Variants in NACC2 observed in about 807,000 individuals in gnomAD.
NACC2 encodes NACC family member 2.
Under a neutral mutation model 25.1 loss-of-function variants are expected in NACC2, and 8 were observed. The observed-to-expected ratio is 0.32, with a 90% CI of 0.19 to 0.57. The LOEUF is 0.57. NACC2 is among the 20% of genes least tolerant of loss of function. The pLI, the probability that NACC2 is intolerant of heterozygous loss-of-function variation, is 0.89. For synonymous variants in NACC2, 435 were observed against 294.7 expected (o/e 1.48, Z -4.88); for missense variants, 644 against 650.2 (o/e 0.99, Z 0.10).
chr9:136,021,784 A>T (rs1188317941), intron 2 of NACC2, among the ~76,000 whole-genome samples: 1 of 152,214 alleles, frequency 6.6e-6, no homozygotes, highest in Non-Finnish European at 1.5e-5. Context: ...AAAAGGAACA[A>T]ATGATTGGCA....
intron 2 of NACC2, among the ~76,000 whole-genome samples, chr9:136,042,862 AC>A (rs1840662136): frequency 6.7e-6 from 1 of 149,778 alleles, no homozygotes; most frequent in Non-Finnish European, 1.5e-5. Context: ...ACACAGAGAC[AC>A]AGAGACAAAC....
At chr9:136,065,806 G>A (rs568450671) in intron 1 of NACC2, among the ~76,000 whole-genome samples, 1 of 128,616 alleles carries the variant, frequency 7.8e-6, no homozygotes, top group South Asian at 2.3e-4. Context: ...CAGAGACCCT[G>A]TCTCCAAAAA....
intron 1 of NACC2, among the ~76,000 whole-genome samples, chr9:136,091,379 C>T (rs951687938): frequency 1.1e-4 from 16 of 152,200 alleles, no homozygotes; most frequent in African/African-American, 3.9e-4. Flanking sequence ...TCCCAGGAGA[C>T]CTGAGCCCAG....
At chr9:136,092,507 G>A (rs1451039106) in intron 1 of NACC2, among the ~76,000 whole-genome samples, 1 of 152,218 alleles carries the variant, frequency 6.6e-6, no homozygotes, top group African/African-American at 2.4e-5. Context: ...ACACCACAGG[G>A]CTTTGCTTCT....
At chr9:136,014,812 G>A (rs1382328376) in intron 3 of NACC2, among the ~76,000 whole-genome samples, 2 of 152,310 alleles carry the variant, frequency 1.3e-5, no homozygotes, top group East Asian at 3.9e-4. Context: ...CGTGGCCAGA[G>A]AGGTCCACGC....
Position 136,055,011 on chromosome 9 carries a change from G to A in NACC2, c.-59-4431C>T, listed in dbSNP as rs956524646. ...CACAGAGGAGGCTGGGTTCCTCTGA[G>A]CCCACAAGCCACCCTCAGGAATAAG... On this transcript the variant is annotated intron_variant, in intron 1 of 5. Transcript: ENST00000277554. This position sits in a 1 kb window ranked among gnomAD's most constrained non-coding sequence, Gnocchi z 4.9. Among the ~76,000 whole-genome samples, 8 of 152,124 alleles carry A rather than the reference G, an allele frequency of 5.3e-5. No individual in the cohort carries two copies. The highest frequency in any genetic ancestry group is 1.9e-4 in the African/African-American group (8 of 41,416).
At chr9:136,024,392 G>GGTGTGTGAGGACAGTGT (rs1840352223) in intron 2 of NACC2, among the ~76,000 whole-genome samples, 2 of 105,464 alleles carry the variant, frequency 1.9e-5, no homozygotes, top group African/African-American at 7.8e-5. Context: ...GAGGACAGAG[G>GGTGTGTGAGGACAGTGT]GTGTGTGAGG....
intron 2 of NACC2, among the ~76,000 whole-genome samples, chr9:136,036,560 T>TAC (rs1284616501): frequency 5.9e-5 from 9 of 152,158 alleles, no homozygotes. Flanking sequence ...TACATATATA[T>TAC]ACACACGTAT....
Position 136,006,873 on chromosome 9 carries a change from T to C in NACC2, c.*4643A>G, listed in dbSNP as rs1840020458. On this transcript the variant is annotated 3_prime_UTR_variant, in exon 6 of 6. Transcript: ENST00000277554. ...TGGCTGAAATCTAACTCAGTGGTAC[T>C]GTGAAACCTTCCTTTACAGCACAGG... 1 of 152,260 alleles carries C rather than the reference T, an allele frequency of 6.6e-6. No individual in the cohort carries two copies. Among genetic ancestry groups the C allele is most frequent in the South Asian group, 2.1e-4 (1 of 4,844 alleles). The allele number at this position is 152,260 out of a possible 1,614,324, so 9.4% of individuals were successfully genotyped here. A position where few individuals can be genotyped will look rare whatever the true frequency, so the allele number is the denominator to read the frequency against.
rs1338384882 is a variant in NACC2, at chr9:136,013,985, A to G, written c.1052-16T>C. On this transcript the variant is annotated splice_polypyrimidine_tract_variant and intron_variant, in intron 3 of 5. Coordinates refer to ENST00000277554, the MANE Select transcript of NACC2 (RefSeq NM_144653.5). The surrounding 1 kb of genome is among the most constrained non-coding windows in gnomAD (Gnocchi z 6.6). ...ACCCCAGAGCCTGCAGCCACCAAAC[A>G]GAAAAAGGGCTCGTGGCCTTCCCGG... The G allele has an allele frequency of 6.3e-7, 1 of 1,593,436 alleles. No homozygotes were observed. Among genetic ancestry groups the G allele is most frequent in the East Asian group, 2.3e-5 (1 of 43,366 alleles).
chr9:136,076,850 T>C (rs1452412925), intron 1 of NACC2, among the ~76,000 whole-genome samples: 1 of 151,606 alleles, frequency 6.6e-6, no homozygotes, highest in African/African-American at 2.4e-5. Context: ...CTACTAAAAA[T>C]ACAAAAAAAA....
At chr9:136,076,097 C>T (rs1213665191) in intron 1 of NACC2, among the ~76,000 whole-genome samples, 2 of 152,204 alleles carry the variant, frequency 1.3e-5, no homozygotes, top group Non-Finnish European at 2.9e-5. Context: ...AGGCACCCTT[C>T]GCGGCCTCTG....
chr9:136,047,551 C>T (rs886149259), intron 2 of NACC2, among the ~76,000 whole-genome samples: 11 of 152,278 alleles, frequency 7.2e-5, no homozygotes, highest in South Asian at 6.2e-4. Context: ...CAGAGAATGC[C>T]GCGCAGCACC....
At chr9:136,046,351 T>C (rs1840724677) in intron 2 of NACC2, among the ~76,000 whole-genome samples, 1 of 152,290 alleles carries the variant, frequency 6.6e-6, no homozygotes, top group South Asian at 2.1e-4. Flanking sequence ...TTCCGGTGGA[T>C]ACGATGTTTT....
chr9:136,037,884 A>G (rs1840577294), intron 2 of NACC2, among the ~76,000 whole-genome samples: 1 of 149,412 alleles, frequency 6.7e-6, no homozygotes. Context: ...ACTTAAGTGC[A>G]TACAAAATCC....
intron 1 of NACC2, among the ~76,000 whole-genome samples, chr9:136,052,148 G>C (rs1288896274): frequency 6.6e-6 from 1 of 152,246 alleles, no homozygotes; most frequent in African/African-American, 2.4e-5. Context: ...TGGTGCCAGA[G>C]GAATGCGCGG....
intron 3 of NACC2, among the ~76,000 whole-genome samples, chr9:136,014,663 G>A (rs771578843): frequency 1.9e-4 from 29 of 152,162 alleles, no homozygotes; most frequent in African/African-American, 2.7e-4. Flanking sequence ...TTTCTGCTCC[G>A]TCCCAGATAC....
At position 136,055,684 on chromosome 9, in the gene NACC2, TCAC is replaced by T. The variant is rs1393103851; in HGVS notation, c.-59-5107_-59-5105del. On this transcript the variant is annotated intron_variant, in intron 1 of 5. Transcript: ENST00000277554. The surrounding 1 kb of genome is among the most constrained non-coding windows in gnomAD (Gnocchi z 4.9). Reference sequence around the variant, plus strand: ...TTAAATTATCTTGCAGGATTTAATTTCACCAATCTAATAAGAGGTTCTGGACCT... The same window carrying T: ...TTAAATTATCTTGCAGGATTTAATTTCAATCTAATAAGAGGTTCTGGACCT... Among the ~76,000 whole-genome samples, 2 of 152,184 alleles carry T rather than the reference TCAC, an allele frequency of 1.3e-5. No individual in the cohort carries two copies. The highest frequency in any genetic ancestry group is 4.8e-5 in the African/African-American group (2 of 41,442).
chr9:136,016,176 T>C (rs1026837062), intron 3 of NACC2, 89 bp downstream of exon 3: 26 of 1,417,604 alleles, frequency 1.8e-5, no homozygotes, highest in Admixed American at 4.0e-5. Flanking sequence ...TGATTGGTGA[T>C]GAGTACATTG....
Sources: gnomAD v4.1 joint callset for allele counts (sites outside exome capture counted in the v4.1 genomes callset) on GRCh38, gnomAD v4.1.1 for gene constraint, Gnocchi (gnomAD v3.1) non-coding constraint, MANE v1.5 for transcripts, NCBI Gene and HGNC (gene_info 2026-07-23, HGNC 2026-07-21) for gene names.